The following KANK4 variants were observed in gnomAD, a reference collection of about 807,000 sequenced individuals.
The protein encoded by KANK4 is KN motif and ankyrin repeat domains 4.
A neutral mutation model predicts 80.8 loss-of-function variants in KANK4; 50 were observed. The ratio of observed to expected loss-of-function variants is 0.62; its 90% CI spans 0.49 to 0.78. KANK4 has a LOEUF of 0.78. Ranked by LOEUF, KANK4 falls within the 30% of genes least tolerant of loss-of-function variation. The pLI is 0.00. For synonymous variants in KANK4, 465 were observed against 506.9 expected (o/e 0.92, Z 1.11); for missense variants, 1,196 against 1,240.1 (o/e 0.96, Z 0.53).
intron 1 of KANK4, among the ~76,000 whole-genome samples, chr1:62,281,985 C>A (rs537774249): frequency 1.3e-5 from 2 of 152,296 alleles, no homozygotes; most frequent in Admixed American, 1.3e-4. Context: ...CTGATACCAG[C>A]ACAGGGCTCT....
At chr1:62,309,834 C>T (rs1644483689) in intron 1 of KANK4, among the ~76,000 whole-genome samples, 1 of 152,178 alleles carries the variant, frequency 6.6e-6, no homozygotes, top group South Asian at 2.1e-4. Context: ...CTGGAGAAGA[C>T]AAAGTAGCCC....
chr1:62,275,180 C>T lies in KANK4; in HGVS notation c.17-93G>A, dbSNP rs1014306707. On this transcript the variant is annotated intron_variant, in intron 2 of 9. Transcript: ENST00000371153. ...CCTAATATCTCTGATTTTAACTTAA[C>T]GCTGTCACTTGAGACTTCTTCTAAA... The T allele has an allele frequency of 7.4e-5, 70 of 946,076 alleles. No individual in the cohort carries two copies. In the East Asian group the frequency reaches 1.0e-3, roughly 14 times the overall value. 58.6% of individuals were successfully genotyped at this position (946,076 alleles called of 1,614,324 possible).
At chr1:62,312,758 G>A (rs537906381) in intron 1 of KANK4, among the ~76,000 whole-genome samples, 83 of 152,362 alleles carry the variant, frequency 5.4e-4, no homozygotes, top group Non-Finnish European at 8.1e-4. Flanking sequence ...GATGCTCTCT[G>A]GAACTTGAAG....
chr1:62,311,903 CTAAT>C (rs1424559841), intron 1 of KANK4, among the ~76,000 whole-genome samples: 1 of 152,162 alleles, frequency 6.6e-6, no homozygotes, highest in East Asian at 1.9e-4. Context: ...ATGTCTTCCA[CTAAT>C]TAGACAGTGA....
At chr1:62,252,885 G>A (rs1342069604) in intron 8 of KANK4, among the ~76,000 whole-genome samples, 182 bp downstream of exon 8, 1 of 152,274 alleles carries the variant, frequency 6.6e-6, no homozygotes. Flanking sequence ...GCTCCTGGCT[G>A]GGTCTCGGGA....
intron 1 of KANK4, among the ~76,000 whole-genome samples, chr1:62,307,041 C>T (rs1022559732): frequency 6.6e-6 from 1 of 152,178 alleles, no homozygotes; most frequent in Non-Finnish European, 1.5e-5. Flanking sequence ...ATGCCAGACA[C>T]TGCAGCTGAA....
Position 62,273,951 on chromosome 1 carries a change from G to C in KANK4, c.1153C>G (p.Arg385Gly), listed in dbSNP as rs1311359487. The C allele has an allele frequency of 2.5e-6, 4 of 1,614,036 alleles. No homozygotes were observed. Among genetic ancestry groups the C allele is most frequent in the Non-Finnish European group, 3.4e-6 (4 of 1,180,040 alleles). ...TGGGCTACAGTGAACTCCAGCTCTC[G>C]AATTCTTTGCTCCCTAGCTTTGATT... ...EEIKAREQRI[R>G]ELEFTVAQLE... is the part of the protein sequence containing the mutation. Residue 385 changes from arginine (R) to glycine (G), a missense_variant, in exon 3 of 10, where the codon CGA becomes GGA. Arg to Gly is a moderately radical substitution (Grantham distance 125, BLOSUM62 -2). Transcript: ENST00000371153.
chr1:62,278,830 G>A (rs1028531843), intron 2 of KANK4, among the ~76,000 whole-genome samples: 5 of 152,086 alleles, frequency 3.3e-5, no homozygotes, highest in African/African-American at 1.2e-4. Flanking sequence ...TGCACTGGCT[G>A]TACTCTTAGA....
chr1:62,293,107 A>T (rs953251084), intron 1 of KANK4, among the ~76,000 whole-genome samples: 9 of 141,012 alleles, frequency 6.4e-5, no homozygotes, highest in Non-Finnish European at 9.3e-5. Context: ...TGTGTGTGTG[A>T]GACAGAGTGT....
At chr1:62,295,138 T>C (rs983362247) in intron 1 of KANK4, among the ~76,000 whole-genome samples, 6 of 131,196 alleles carry the variant, frequency 4.6e-5, no homozygotes, top group East Asian at 4.2e-4. Flanking sequence ...TCTGCTCACA[T>C]CTTTTCTTTT....
At chr1:62,262,341 A>T in intron 7 of KANK4, among the ~76,000 whole-genome samples, 1 of 152,194 alleles carries the variant, frequency 6.6e-6, no homozygotes, top group Admixed American at 6.5e-5. Flanking sequence ...AGAACAAATG[A>T]GGCAAACACA....
chr1:62,312,271 G>A (rs1359733005), intron 1 of KANK4, among the ~76,000 whole-genome samples: 6 of 152,068 alleles, frequency 3.9e-5, no homozygotes, highest in Admixed American at 6.6e-5. Context: ...GGTATCTGTC[G>A]CAGCTAAAAT....
intron 8 of KANK4, among the ~76,000 whole-genome samples, chr1:62,248,515 C>T (rs1379933418): frequency 4.0e-5 from 6 of 150,978 alleles, no homozygotes; most frequent in East Asian, 3.9e-4. Context: ...CTCATGGGCA[C>T]GTGCCACTCA....
chr1:62,249,985 C>A (rs1246674402), intron 8 of KANK4, among the ~76,000 whole-genome samples: 1 of 151,050 alleles, frequency 6.6e-6, no homozygotes, highest in Admixed American at 6.6e-5. Context: ...GTGTATATTT[C>A]TTTTCTTTTC....
intron 5 of KANK4, among the ~76,000 whole-genome samples, chr1:62,267,339 T>C (rs1672046875): frequency 6.6e-6 from 1 of 152,186 alleles, no homozygotes; most frequent in Non-Finnish European, 1.5e-5. Context: ...ACAAGCACTC[T>C]TCCTGTGTTG....
At chr1:62,301,402 C>A (rs1176842629) in intron 1 of KANK4, among the ~76,000 whole-genome samples, 2 of 152,052 alleles carry the variant, frequency 1.3e-5, no homozygotes, top group Non-Finnish European at 2.9e-5. Flanking sequence ...CAGTGATGAA[C>A]CTGGCCAACA....
chr1:62,282,378 C>T (rs1198179372), intron 1 of KANK4, among the ~76,000 whole-genome samples: 1 of 152,090 alleles, frequency 6.6e-6, no homozygotes, highest in East Asian at 1.9e-4. Context: ...AATGAATCAC[C>T]CAGGAAATTG....
chr1:62,280,109 T>C (rs2149150732), intron 2 of KANK4, among the ~76,000 whole-genome samples: 1 of 152,254 alleles, frequency 6.6e-6, no homozygotes, highest in East Asian at 1.9e-4. Context: ...TTCAAAAGCC[T>C]ATATTCAGTC....
At chr1:62,277,980 C>T (rs965744059) in intron 2 of KANK4, among the ~76,000 whole-genome samples, 20 of 152,206 alleles carry the variant, frequency 1.3e-4, no homozygotes, top group Admixed American at 1.3e-4. Flanking sequence ...ATAAATGCAG[C>T]TGATATGGCC....
Sources: allele counts gnomAD v4.1 joint callset (sites outside exome capture counted in the v4.1 genomes callset), GRCh38; gene constraint gnomAD v4.1.1; transcripts MANE v1.5; gene names NCBI Gene and HGNC (gene_info 2026-07-23, HGNC 2026-07-21).